SHROOM3: variants seen among roughly 807,000 people sequenced by gnomAD.
The protein encoded by SHROOM3 is protein Shroom3.
In SHROOM3, 47 loss-of-function variants were observed where a neutral mutation model predicts 138.6. The ratio of observed to expected loss-of-function variants is 0.34; its 90% confidence interval spans 0.27 to 0.43. The LOEUF (loss-of-function observed/expected upper bound fraction) is 0.43. Among genes scored for constraint, SHROOM3 ranks in the 20% least tolerant of loss-of-function variants. The pLI is 1.00. For missense variants in SHROOM3, 2,491 were observed against 2,596.5 expected (o/e 0.96, Z 0.88); for synonymous variants, 1,062 against 1,063.3 (o/e 1.00, Z 0.02).
chr4:76,599,698 T>G (rs372450898), intron 2 of SHROOM3, among the ~76,000 whole-genome samples: 6 of 152,212 alleles, frequency 3.9e-5, no homozygotes, highest in African/African-American at 1.2e-4. Context: ...GGCAGAATAC[T>G]TATCTCTGTG....
intron 1 of SHROOM3, among the ~76,000 whole-genome samples, chr4:76,497,950 G>A (rs1435563543): frequency 6.6e-6 from 1 of 152,200 alleles, no homozygotes; most frequent in Non-Finnish European, 1.5e-5. Context: ...CACCCAAAGT[G>A]TATCGAGCCC....
chr4:76,625,507 CTCTG>C (rs33969190), intron 2 of SHROOM3, among the ~76,000 whole-genome samples: 44,265 of 151,006 alleles, frequency 0.29, 6,810 homozygotes, highest in East Asian at 0.5. Flanking sequence ...CAGCCTCTCC[CTCTG>C]TCTGTCTTTT....
At chr4:76,623,281 T>C (rs1035606422) in intron 2 of SHROOM3, among the ~76,000 whole-genome samples, 3 of 152,196 alleles carry the variant, frequency 2.0e-5, no homozygotes, top group African/African-American at 7.2e-5. Flanking sequence ...AATCCAAAAG[T>C]CTAAGCTGAT....
intron 9 of SHROOM3, among the ~76,000 whole-genome samples, chr4:76,766,822 C>A (rs1722172046): frequency 1.3e-5 from 2 of 152,164 alleles, no homozygotes; most frequent in African/African-American, 4.8e-5. Context: ...GAGGAACATT[C>A]AGCCAGGAGT....
intron 1 of SHROOM3, among the ~76,000 whole-genome samples, chr4:76,457,599 C>A (rs1579166448): frequency 6.6e-6 from 1 of 151,384 alleles, no homozygotes; most frequent in Non-Finnish European, 1.5e-5. Flanking sequence ...TCAAGCGATT[C>A]TCCTGCCTCA....
chr4:76,562,150 C>T (rs932419643), intron 2 of SHROOM3, among the ~76,000 whole-genome samples: 1 of 152,178 alleles, frequency 6.6e-6, no homozygotes, highest in African/African-American at 2.4e-5. Flanking sequence ...ATGCACCGGA[C>T]TACTTTGGAT....
intron 7 of SHROOM3, 113 bp downstream of exon 7, chr4:76,755,305 A>G (rs1721770307): frequency 1.6e-6 from 2 of 1,277,912 alleles, no homozygotes; most frequent in African/African-American, 1.5e-5. Context: ...ATGTTTCTAT[A>G]CAGCTCAGCT....
chr4:76,515,950 C>T (rs1188482998), intron 1 of SHROOM3, among the ~76,000 whole-genome samples: 1 of 152,126 alleles, frequency 6.6e-6, no homozygotes, highest in African/African-American at 2.4e-5. Flanking sequence ...GTAGAAAGCT[C>T]AACTGTTGAC....
intron 1 of SHROOM3, among the ~76,000 whole-genome samples, chr4:76,471,402 C>A (rs1247814612): frequency 3.9e-5 from 6 of 152,084 alleles, no homozygotes; most frequent in Admixed American, 3.9e-4. Context: ...CACCACCACG[C>A]CTGGCTAATT....
At chr4:76,738,158 T>G (rs988404668) in intron 4 of SHROOM3, among the ~76,000 whole-genome samples, 2 of 152,182 alleles carry the variant, frequency 1.3e-5, no homozygotes, top group Non-Finnish European at 2.9e-5. Context: ...CATGAGCTTT[T>G]TCTGACTCTA....
intron 2 of SHROOM3, among the ~76,000 whole-genome samples, chr4:76,605,988 CACATAT>C (rs1209716933): frequency 1.9e-4 from 18 of 93,868 alleles, no homozygotes; most frequent in Admixed American, 1.8e-3. Flanking sequence ...TACACACACA[CACATAT>C]ATATATATAT....
rs945104616 is a variant in SHROOM3, at chr4:76,663,489, A to G, written c.324-46667A>G. 7.2e-5 allele frequency among the ~76,000 whole-genome samples: 11 copies of G among 152,286 alleles called. 1 individual carries two copies. The highest frequency in any genetic ancestry group is 1.9e-4 in the East Asian group (1 of 5,182). On this transcript the variant is annotated intron_variant, in intron 2 of 10. Coordinates refer to ENST00000296043, the MANE Select transcript of SHROOM3 (RefSeq NM_020859.4). ...CTAGAATCCAGGTCTCCCTGTTGCT[A>G]TACACCAGAGGTAATAACCAGCAGC...
At chr4:76,713,526 G>A (rs1039790430) in intron 3 of SHROOM3, among the ~76,000 whole-genome samples, 2 of 152,150 alleles carry the variant, frequency 1.3e-5, no homozygotes, top group Admixed American at 1.3e-4. Context: ...AACACCTCCT[G>A]TAGAACCTGC....
intron 3 of SHROOM3, among the ~76,000 whole-genome samples, chr4:76,721,251 C>T (rs1451361995): frequency 6.6e-6 from 1 of 150,540 alleles, no homozygotes; most frequent in Non-Finnish European, 1.5e-5. Context: ...GCGGAGCTTG[C>T]AGTGAGCCGA....
At chr4:76,482,706 A>C (rs973580203) in intron 1 of SHROOM3, among the ~76,000 whole-genome samples, 1 of 152,194 alleles carries the variant, frequency 6.6e-6, no homozygotes, top group African/African-American at 2.4e-5. Flanking sequence ...ATCCTAAGCA[A>C]AAAGAACAAA....
At chr4:76,480,896 G>A (rs758801079) in intron 1 of SHROOM3, among the ~76,000 whole-genome samples, 7 of 152,042 alleles carry the variant, frequency 4.6e-5, no homozygotes, top group Non-Finnish European at 7.4e-5. Context: ...GGGTAAATAC[G>A]AAATTAAGGT....
intron 4 of SHROOM3, among the ~76,000 whole-genome samples, chr4:76,733,713 G>A (rs1400394780): frequency 6.6e-6 from 1 of 152,144 alleles, no homozygotes; most frequent in African/African-American, 2.4e-5. Context: ...CTCTCTGACA[G>A]CCTTAGTTTA....
At position 76,756,514 on chromosome 4, in the gene SHROOM3, T is replaced by C. The variant is rs189365131; in HGVS notation, c.4775T>C (p.Val1592Ala). 6.3e-5 allele frequency: 102 copies of C among 1,613,362 alleles called. 3 individuals carry two copies. The East Asian group carries it at 1.9e-3, about 31-fold the overall frequency. ...ERHMPGAAHV[V>A]GSQTLASRLQ... is the part of the protein sequence containing the mutation. Reference sequence around the variant, plus strand: ...CACATGCCTGGTGCAGCCCATGTGGTAGGTAGTCAGACACTGGCTTCCAGA... The same window carrying C: ...CACATGCCTGGTGCAGCCCATGTGGCAGGTAGTCAGACACTGGCTTCCAGA... Residue 1592 changes from valine to alanine, a missense_variant, in exon 8 of 11, where the codon GTA (valine) becomes GCA (alanine). Physicochemically the swap from Val to Ala is moderately conservative, Grantham distance 64. This residue lies in a region of SHROOM3 where 470 missense variants were observed against 595.0 expected (regional missense o/e 0.79). Coordinates refer to ENST00000296043, the MANE Select transcript of SHROOM3 (RefSeq NM_020859.4).
chr4:76,764,709 T>C (rs1169252542), intron 9 of SHROOM3, among the ~76,000 whole-genome samples: 2 of 152,210 alleles, frequency 1.3e-5, no homozygotes, highest in South Asian at 4.1e-4. Flanking sequence ...TAATGAGAAA[T>C]GCACAGTCCT....
Sources: allele counts gnomAD v4.1 joint callset (sites outside exome capture counted in the v4.1 genomes callset), GRCh38; gene constraint gnomAD v4.1.1; regional missense constraint gnomAD v4.1.1; transcripts MANE v1.5; gene names NCBI Gene and HGNC (gene_info 2026-07-23, HGNC 2026-07-21).